Variants in TENM2 observed in about 807,000 individuals in gnomAD.
TENM2 encodes teneurin-2.
A neutral mutation model predicts 245.2 loss-of-function variants in TENM2; 52 were observed. That is an observed-to-expected ratio of 0.21 (90% CI 0.17 to 0.27). The LOEUF (loss-of-function observed/expected upper bound fraction) is 0.27. Ranked by LOEUF, TENM2 falls within the 10% of genes least tolerant of loss-of-function variation. The pLI, the probability that TENM2 is intolerant of heterozygous loss-of-function variation, is 1.00. For missense variants in TENM2, 3,046 were observed against 3,666.8 expected (o/e 0.83, Z 4.37); for synonymous variants, 1,363 against 1,438.9 (o/e 0.95, Z 1.19).
chr5:167,794,626 C>T (rs926722491), intron 2 of TENM2, among the ~76,000 whole-genome samples: 1 of 152,160 alleles, frequency 6.6e-6, no homozygotes, highest in Non-Finnish European at 1.5e-5. Context: ...AAGAAGTAGG[C>T]AACTGTCTTG....
In TENM2 at chr5:168,253,547, C is replaced by T. The variant is rs537694567; in HGVS notation, c.7432+5176C>T. 2.9e-3 allele frequency among the ~76,000 whole-genome samples: 440 copies of T among 151,738 alleles called. 2 individuals carry two copies. Among genetic ancestry groups the T allele is most frequent in the African/African-American group, 9.9e-3 (409 of 41,392 alleles). ...TTCACACCATTCTCCTGCCTCAGCC[C>T]GCGGAGTAGCTGGAACTACAGGCGC... is the stretch of plus-strand genomic sequence containing the variant. On this transcript the variant is annotated intron_variant, in intron 27 of 28. Transcript: ENST00000518659.
At chr5:167,497,924 C>T (rs919067478) in intron 2 of TENM2, among the ~76,000 whole-genome samples, 6 of 151,918 alleles carry the variant, frequency 3.9e-5, no homozygotes, top group African/African-American at 7.3e-5. Context: ...GGTACTTCCT[C>T]GCTCGCTTCT....
intron 2 of TENM2, among the ~76,000 whole-genome samples, chr5:167,713,109 A>T (rs1351184947): frequency 6.6e-6 from 1 of 152,036 alleles, no homozygotes; most frequent in Non-Finnish European, 1.5e-5. Flanking sequence ...ATTTTTAATG[A>T]CATTTTGGAA....
chr5:167,669,262 G>C (rs749097502), intron 2 of TENM2, among the ~76,000 whole-genome samples: 2 of 152,182 alleles, frequency 1.3e-5, no homozygotes, highest in Non-Finnish European at 2.9e-5. Flanking sequence ...GGGAAAAAGA[G>C]TGATGCATTT....
intron 3 of TENM2, among the ~76,000 whole-genome samples, chr5:167,878,573 CTGTGTGTGTGTGTGTGTGTG>C (rs10573629): frequency 1.3e-5 from 2 of 150,022 alleles, no homozygotes; most frequent in Non-Finnish European, 1.5e-5. Flanking sequence ...GTGCTCACGT[CTGTGTGTGTGTGTGTGTGTG>C]TGTGTGTGTG....
intron 6 of TENM2, among the ~76,000 whole-genome samples, chr5:168,049,777 G>A (rs1230554238): frequency 6.6e-6 from 1 of 152,130 alleles, no homozygotes; most frequent in Non-Finnish European, 1.5e-5. Context: ...AATAAGTTAT[G>A]TGACAGACAA....
intron 2 of TENM2, among the ~76,000 whole-genome samples, chr5:167,496,624 C>T (rs941566882): frequency 6.6e-6 from 1 of 152,054 alleles, no homozygotes; most frequent in Non-Finnish European, 1.5e-5. Context: ...TACAATGCCG[C>T]TTTCTGATAG....
In TENM2 at chr5:167,530,795, T is replaced by C. The variant is rs1771441277; in HGVS notation, c.502+155322T>C. Among the ~76,000 whole-genome samples, 3 of 152,314 alleles carry C rather than the reference T, an allele frequency of 2.0e-5. No homozygotes were observed. The South Asian group carries it at 6.2e-4, about 32-fold the overall frequency. On this transcript the variant is annotated intron_variant, in intron 2 of 28. Transcript: ENST00000518659. ...TTCTCTTCCAGCAAGCGGACTTAGA[T>C]GTCTGTTTACTGTTTCCCTCAAATG...
the TENM2 span, among the ~76,000 whole-genome samples, chr5:167,023,471 G>T: frequency 1.3e-5 from 2 of 152,162 alleles, no homozygotes; most frequent in Admixed American, 1.3e-4. Flanking sequence ...TTGAGACTCA[G>T]AGAAATCAGA....
At chr5:167,544,109 T>C in intron 2 of TENM2, among the ~76,000 whole-genome samples, 1 of 152,182 alleles carries the variant, frequency 6.6e-6, no homozygotes, top group Admixed American at 6.5e-5. Context: ...TTATCATATC[T>C]GAAATCAAGA....
chr5:167,116,699 A>AC, the TENM2 span: 1 of 152,132 alleles, frequency 6.6e-6, no homozygotes, highest in South Asian at 2.1e-4. Context: ...AGTCCTGGAA[A>AC]AAAAAAAAAA....
At chr5:167,469,402 T>C (rs1766867782) in intron 2 of TENM2, among the ~76,000 whole-genome samples, 1 of 152,152 alleles carries the variant, frequency 6.6e-6, no homozygotes, top group Non-Finnish European at 1.5e-5. Flanking sequence ...TTTTCCCAAG[T>C]AAAGATTAAA....
At chr5:167,570,108 C>T (rs1392725819) in intron 2 of TENM2, among the ~76,000 whole-genome samples, 1 of 152,134 alleles carries the variant, frequency 6.6e-6, no homozygotes, top group Non-Finnish European at 1.5e-5. Flanking sequence ...GTACTTGAGG[C>T]TCTGAAAGGG....
intron 12 of TENM2, among the ~76,000 whole-genome samples, chr5:168,140,259 G>A (rs1275717808): frequency 6.6e-6 from 1 of 152,196 alleles, no homozygotes; most frequent in African/African-American, 2.4e-5. Context: ...AAGCAGGCAG[G>A]TAGCCATTGC....
intron 2 of TENM2, among the ~76,000 whole-genome samples, chr5:167,829,021 A>T (rs1768230707): frequency 6.6e-6 from 1 of 152,132 alleles, no homozygotes; most frequent in Non-Finnish European, 1.5e-5. Context: ...GAAACAGAGG[A>T]GCTTTTTCCG....
intron 1 of TENM2, among the ~76,000 whole-genome samples, chr5:167,344,299 C>T (rs1758315542): frequency 8.8e-6 from 1 of 113,844 alleles, no homozygotes; most frequent in Non-Finnish European, 1.8e-5. Context: ...CACACACACA[C>T]ACACACACAC....
intron 2 of TENM2, among the ~76,000 whole-genome samples, chr5:167,727,898 C>G (rs1028628309): frequency 1.3e-5 from 2 of 152,248 alleles, no homozygotes; most frequent in Non-Finnish European, 2.9e-5. Context: ...ACCCTTTGCC[C>G]TTTTGGGATA....
chr5:168,209,066 C>T (rs936768163), intron 19 of TENM2, among the ~76,000 whole-genome samples: 1 of 152,050 alleles, frequency 6.6e-6, no homozygotes, highest in Non-Finnish European at 1.5e-5. Context: ...TTTGTAATTT[C>T]ATTATCTATA....
At chr5:168,049,278 C>G (rs1017687912) in intron 6 of TENM2, among the ~76,000 whole-genome samples, 1 of 152,202 alleles carries the variant, frequency 6.6e-6, no homozygotes, top group Non-Finnish European at 1.5e-5. Context: ...CCCTTGGAAA[C>G]TCCACTTTAT....
Sources: allele counts gnomAD v4.1 joint callset (sites outside exome capture counted in the v4.1 genomes callset), GRCh38; gene constraint gnomAD v4.1.1; transcripts MANE v1.5; gene names NCBI Gene and HGNC (gene_info 2026-07-23, HGNC 2026-07-21).